The following ZNF91 variants were observed in gnomAD, a reference collection of about 807,000 sequenced individuals.
ZNF91 encodes zinc finger protein 91, also known as zinc finger protein 91 (HPF7, HTF10).
A neutral mutation model predicts 12.6 loss-of-function variants in ZNF91; 7 were observed. The ratio of observed to expected loss-of-function variants is 0.55; its 90% CI spans 0.31 to 1.04. ZNF91 has a LOEUF of 1.04. ZNF91 is among the 50% of genes least tolerant of loss of function. ZNF91 has a pLI of 0.05. For missense variants in ZNF91, 1,217 were observed against 1,385.4 expected, an observed-to-expected ratio of 0.88 and a Z score of 1.93; for synonymous variants, 453 against 462.6, an observed-to-expected ratio of 0.98 and a Z score of 0.27.
At chr19:23,356,053 T>C (rs1365301240), downstream of ZNF91, among the ~76,000 whole-genome samples, 1 of 152,156 alleles carries the variant, frequency 6.6e-6, no homozygotes, top group African/African-American at 2.4e-5. Flanking sequence ...CTGGTGAGAA[T>C]GTAAACTGAT....
intron 1 of ZNF91, among the ~76,000 whole-genome samples, chr19:23,319,155 G>A (rs781105831): frequency 5.3e-5 from 8 of 152,182 alleles, no homozygotes; most frequent in Non-Finnish European, 8.8e-5. Context: ...CCTAGGTGAG[G>A]TAACTCTCTT....
intron 1 of ZNF91, among the ~76,000 whole-genome samples, chr19:23,382,138 C>A (rs553793696): frequency 6.6e-6 from 1 of 150,390 alleles, no homozygotes; most frequent in African/African-American, 2.4e-5. Flanking sequence ...AAAATATATA[C>A]GTAATCTAAA....
intron 1 of ZNF91, among the ~76,000 whole-genome samples, chr19:23,391,111 C>T (rs565036548): frequency 6.6e-6 from 1 of 152,276 alleles, no homozygotes; most frequent in Admixed American, 6.5e-5. Context: ...AATTAATGTA[C>T]ACTGTTAACA....
In ZNF91 at chr19:23,359,919, T is replaced by C. The variant is rs1599719830; in HGVS notation, c.3060A>G (p.Lys1020=). ...TGCCACATTCTTCACATTTGTATGG[T>C]TTCTCTCCAGTGTGCATCCTCGTAT... The part of the protein sequence containing the change: ...TRHTRMHTGE[K]PYKCEECGKA... Residue 1020 remains lysine (K), a synonymous_variant, in exon 4 of 4, where the codon AAA becomes AAG. Coordinates refer to ENST00000300619, the MANE Select transcript of ZNF91 (RefSeq NM_003430.4). The C allele has an allele frequency of 6.3e-7, 1 of 1,588,808 alleles. No individual in the cohort carries two copies. Among genetic ancestry groups the C allele is most frequent in the East Asian group, 2.3e-5 (1 of 44,382 alleles).
chr19:23,390,671 G>T (rs569843418), intron 1 of ZNF91, among the ~76,000 whole-genome samples: 1 of 151,616 alleles, frequency 6.6e-6, no homozygotes, highest in African/African-American at 2.4e-5. Context: ...CAATACTCTT[G>T]TTCCTCAGCT....
chr19:23,305,678 T>C (rs1177469463), intron 3 of ZNF91, among the ~76,000 whole-genome samples: 2 of 152,206 alleles, frequency 1.3e-5, no homozygotes, highest in Non-Finnish European at 2.9e-5. Context: ...GCCCAGCTGA[T>C]TTCAATGTCA....
chr19:23,308,581 T>C (rs1967428269), intron 2 of ZNF91: 1 of 152,220 alleles, frequency 6.6e-6, no homozygotes, highest in Admixed American at 6.5e-5. Flanking sequence ...AAAGAGGTCA[T>C]TGTGACATGT....
chr19:23,322,728 T>A (rs369024581), intron 1 of ZNF91, among the ~76,000 whole-genome samples: 1 of 138,196 alleles, frequency 7.2e-6, no homozygotes, highest in African/African-American at 2.8e-5. Context: ...CCTCTCCTCA[T>A]CTCTTCTTCC....
At chr19:23,311,901 C>CAAAGAAAAAAAA (rs1967478156), upstream of ZNF91, among the ~76,000 whole-genome samples, 1 of 91,806 alleles carries the variant, frequency 1.1e-5, no homozygotes. Flanking sequence ...TAGGCCATGC[C>CAAAGAAAAAAAA]AAAAAAAAAA....
downstream of ZNF91, among the ~76,000 whole-genome samples, chr19:23,353,200 T>C (rs1177018006): frequency 1.3e-5 from 2 of 152,184 alleles, no homozygotes; most frequent in East Asian, 1.9e-4. Flanking sequence ...ATAGATCATA[T>C]GATAGGCCAT....
intron 3 of ZNF91, among the ~76,000 whole-genome samples, chr19:23,370,157 T>C (rs1969217030): frequency 6.6e-6 from 1 of 152,118 alleles, no homozygotes; most frequent in African/African-American, 2.4e-5. Context: ...TATGAATCTA[T>C]ATCTAAAATA....
intron 3 of ZNF91, among the ~76,000 whole-genome samples, chr19:23,370,944 C>T (rs1387525900): frequency 6.6e-6 from 1 of 152,044 alleles, no homozygotes; most frequent in African/African-American, 2.4e-5. Flanking sequence ...ATCACAAAAA[C>T]TTTTTTTCAC....
Position 23,359,804 on chromosome 19 carries a change from A to C in ZNF91, c.3175T>G (p.Phe1059Val), listed in dbSNP as rs1292899753. The stretch of plus-strand genomic sequence containing the variant: ...CCATTTAGGGTTGAGGATGATATAA[A>C]TGCTTTGCCACATTCTTCACACTTG... ...PYKCEECGKA[F>V]ISSSTLNGHK... The change falls in exon 4 of 4, where the codon TTT (phenylalanine) becomes GTT (valine). Residue 1059 changes from phenylalanine (F) to valine (V), a missense_variant. This residue lies in a region of ZNF91 where 491 missense variants were observed against 489.8 expected (regional missense o/e 1.00). Coordinates refer to ENST00000300619, the MANE Select transcript of ZNF91 (RefSeq NM_003430.4). 6.2e-7 allele frequency: 1 copy of C among 1,613,716 alleles called. No individual in the cohort carries two copies. The highest frequency in any genetic ancestry group is 1.7e-5 in the Admixed American group (1 of 59,966).
chr19:23,312,227 C>G (rs1486705637), upstream of ZNF91, among the ~76,000 whole-genome samples: 2 of 152,162 alleles, frequency 1.3e-5, no homozygotes, highest in African/African-American at 4.8e-5. Flanking sequence ...GCACAGCACC[C>G]AGATGGTGTG....
At chr19:23,353,476 A>G (rs1968415675), downstream of ZNF91, among the ~76,000 whole-genome samples, 1 of 152,186 alleles carries the variant, frequency 6.6e-6, no homozygotes, top group Non-Finnish European at 1.5e-5. Flanking sequence ...AGGAAACTTC[A>G]CAGCCCTAAA....
At chr19:23,387,113 G>C (rs1224028996) in intron 1 of ZNF91, among the ~76,000 whole-genome samples, 1 of 152,174 alleles carries the variant, frequency 6.6e-6, no homozygotes, top group African/African-American at 2.4e-5. Context: ...ATCCACACCA[G>C]TGAGAACAGC....
At chr19:23,376,870 T>G (rs1969522216) in intron 1 of ZNF91, among the ~76,000 whole-genome samples, 1 of 152,174 alleles carries the variant, frequency 6.6e-6, no homozygotes, top group Non-Finnish European at 1.5e-5. Flanking sequence ...CCTCCTCCTC[T>G]CAAATTCTTT....
intron 1 of ZNF91, among the ~76,000 whole-genome samples, chr19:23,388,504 A>G (rs1029923909): frequency 1.3e-5 from 2 of 152,222 alleles, no homozygotes; most frequent in African/African-American, 4.8e-5. Flanking sequence ...ACAAAGTAAC[A>G]TGGAACTGGT....
intron 1 of ZNF91, among the ~76,000 whole-genome samples, chr19:23,376,481 C>G (rs1969508895): frequency 6.6e-6 from 1 of 151,840 alleles, no homozygotes; most frequent in Non-Finnish European, 1.5e-5. Context: ...GCTCTGCCTC[C>G]CGGGTTCAAG....
Sources: gnomAD v4.1 joint callset for allele counts (sites outside exome capture counted in the v4.1 genomes callset) on GRCh38, gnomAD v4.1.1 for gene constraint, gnomAD v4.1.1 regional missense constraint, MANE v1.5 for transcripts, NCBI Gene and HGNC (gene_info 2026-07-23, HGNC 2026-07-21) for gene names.